CSMD1: variants seen among roughly 807,000 people sequenced by gnomAD.
The protein encoded by CSMD1 is CUB and Sushi multiple domains 1, also known as CUB and sushi domain-containing protein 1.
Under a neutral mutation model 417.5 loss-of-function variants are expected in CSMD1, and 213 were observed. That is an observed-to-expected ratio of 0.51 (90% CI 0.46 to 0.57). The LOEUF (loss-of-function observed/expected upper bound fraction) is 0.57, where lower values mean the gene tolerates loss of function less well. Ranked by LOEUF, CSMD1 falls within the 20% of genes least tolerant of loss-of-function variation. The pLI is 0.00. For missense variants in CSMD1, 6,923 were observed against 4,529.7 expected (o/e 1.53, Z -15.17); for synonymous variants, 2,862 against 1,736.8 (o/e 1.65, Z -16.11).
At chr8:4,351,498 G>A (rs1801091685) in intron 3 of CSMD1, among the ~76,000 whole-genome samples, 4 of 152,206 alleles carry the variant, frequency 2.6e-5, no homozygotes, top group Admixed American at 1.3e-4. Flanking sequence ...TATAGATTAG[G>A]AAGAAAATTG....
chr8:4,075,067 G>A (rs531229869), intron 3 of CSMD1, among the ~76,000 whole-genome samples: 1 of 152,040 alleles, frequency 6.6e-6, no homozygotes, highest in Non-Finnish European at 1.5e-5. Context: ...TGCTCATACA[G>A]TGAATAATAT....
chr8:4,785,084 C>G (rs1246569391), intron 1 of CSMD1, among the ~76,000 whole-genome samples: 2 of 152,186 alleles, frequency 1.3e-5, no homozygotes, highest in Admixed American at 6.5e-5. Flanking sequence ...GAAGGAATCT[C>G]TCTGGGTCAT....
At chr8:4,159,374 C>T (rs563806560) in intron 3 of CSMD1, among the ~76,000 whole-genome samples, 4 of 152,168 alleles carry the variant, frequency 2.6e-5, no homozygotes, top group South Asian at 4.2e-4. Flanking sequence ...TCAGTAATCC[C>T]ACTATGTGAT....
chr8:4,241,308 C>T (rs1295675285), intron 3 of CSMD1, among the ~76,000 whole-genome samples: 1 of 152,184 alleles, frequency 6.6e-6, no homozygotes. Context: ...GCTGTAACCC[C>T]CTGGAACATA....
intron 5 of CSMD1, among the ~76,000 whole-genome samples, chr8:3,885,995 A>T (rs1338268750): frequency 6.6e-6 from 1 of 151,500 alleles, no homozygotes; most frequent in African/African-American, 2.4e-5. Context: ...TTATATATAT[A>T]TGTGTACATA....
chr8:4,606,883 G>A (rs180997618), intron 2 of CSMD1, among the ~76,000 whole-genome samples: 9 of 152,184 alleles, frequency 5.9e-5, no homozygotes, highest in East Asian at 3.9e-4. Flanking sequence ...AACTCAAACC[G>A]TGAACTTTCT....
intron 5 of CSMD1, among the ~76,000 whole-genome samples, chr8:3,868,102 C>G (rs1805231611): frequency 6.6e-6 from 1 of 152,098 alleles, no homozygotes; most frequent in African/African-American, 2.4e-5. Context: ...CTTGCATGCA[C>G]AGTATTTAAA....
chr8:3,196,121 C>T (rs1796689915), intron 33 of CSMD1, among the ~76,000 whole-genome samples: 1 of 152,290 alleles, frequency 6.6e-6, no homozygotes, highest in South Asian at 2.1e-4. Flanking sequence ...CTAAAGTGAC[C>T]TGTGGTCATT....
rs1159767386 is a variant in CSMD1, at chr8:4,145,938, C to T, written c.416-113839G>A. Among the ~76,000 whole-genome samples the T allele has an allele frequency of 1.9e-4, 28 of 151,072 alleles. 1 individual carries two copies. The highest frequency in any genetic ancestry group is 8.8e-5 in the Non-Finnish European group (6 of 68,016). ...ATGATTGGCCCCATTGTTTGTAAGA[C>T]TGACCACGCTGTTTCTTGTTACCGC... On this transcript the variant is annotated intron_variant, in intron 3 of 69. Transcript: ENST00000635120.
intron 3 of CSMD1, among the ~76,000 whole-genome samples, chr8:4,043,088 C>T (rs1351111378): frequency 2.0e-5 from 3 of 151,968 alleles, no homozygotes; most frequent in Non-Finnish European, 4.4e-5. Context: ...GCGGAAATTG[C>T]ACCACTGCAC....
intron 3 of CSMD1, among the ~76,000 whole-genome samples, chr8:4,357,633 A>C (rs1010915478): frequency 6.6e-6 from 1 of 152,198 alleles, no homozygotes; most frequent in Non-Finnish European, 1.5e-5. Context: ...AAATAAATAC[A>C]ATATCTACAG....
At chr8:4,135,125 G>A (rs543462253) in intron 3 of CSMD1, among the ~76,000 whole-genome samples, 54 of 152,092 alleles carry the variant, frequency 3.6e-4, no homozygotes, top group Non-Finnish European at 4.0e-4. Flanking sequence ...TGTTCTTGAC[G>A]CACACAAAAT....
chr8:3,852,013 G>T (rs568643100), intron 5 of CSMD1, among the ~76,000 whole-genome samples: 1 of 152,270 alleles, frequency 6.6e-6, no homozygotes, highest in African/African-American at 2.4e-5. Flanking sequence ...GCAATCACCG[G>T]TGAGGACAAG....
intron 6 of CSMD1, among the ~76,000 whole-genome samples, chr8:3,740,650 G>C (rs1584929755): frequency 6.6e-6 from 1 of 152,154 alleles, no homozygotes; most frequent in African/African-American, 2.4e-5. Context: ...GTAGGGACCT[G>C]GGATGTAGAT....
chr8:4,262,242 T>G (rs1803937498), intron 3 of CSMD1, among the ~76,000 whole-genome samples: 1 of 152,188 alleles, frequency 6.6e-6, no homozygotes, highest in Non-Finnish European at 1.5e-5. Context: ...AGAGTGAAAC[T>G]CCGGGGCATG....
At chr8:4,239,155 G>T (rs566442398) in intron 3 of CSMD1, among the ~76,000 whole-genome samples, 1 of 152,094 alleles carries the variant, frequency 6.6e-6, no homozygotes, top group Non-Finnish European at 1.5e-5. Context: ...AAATCATTAC[G>T]TTCTCCACCA....
At chr8:3,481,298 G>C (rs973553454) in intron 11 of CSMD1, among the ~76,000 whole-genome samples, 17 of 151,870 alleles carry the variant, frequency 1.1e-4, no homozygotes, top group African/African-American at 3.4e-4. Flanking sequence ...AAAAACAAGA[G>C]GAATCTATAC....
chr8:3,476,471 C>CAT (rs1454343230), intron 11 of CSMD1, among the ~76,000 whole-genome samples: 3 of 152,062 alleles, frequency 2.0e-5, no homozygotes, highest in African/African-American at 4.8e-5. Flanking sequence ...ATTTCTGGGC[C>CAT]ATATGATTGA....
intron 36 of CSMD1, among the ~76,000 whole-genome samples, chr8:3,185,201 T>G (rs1391423028): frequency 1.3e-5 from 2 of 152,218 alleles, no homozygotes; most frequent in African/African-American, 2.4e-5. Context: ...GTGCACGAAC[T>G]CCGTGCTAAC....
Sources: allele counts gnomAD v4.1 joint callset (sites outside exome capture counted in the v4.1 genomes callset), GRCh38; gene constraint gnomAD v4.1.1; transcripts MANE v1.5; gene names NCBI Gene and HGNC (gene_info 2026-07-23, HGNC 2026-07-21).